Variants in PRKAG3 observed in about 807,000 individuals in gnomAD.
The protein encoded by PRKAG3 is protein kinase AMP-activated non-catalytic subunit gamma 3, also known as 5'-AMP-activated protein kinase subunit gamma-3.
Under a neutral mutation model 56.5 loss-of-function variants are expected in PRKAG3, and 39 were observed. The observed-to-expected ratio is 0.69, with a 90% CI of 0.53 to 0.90. The LOEUF (loss-of-function observed/expected upper bound fraction) is 0.90, where lower values mean the gene tolerates loss of function less well. Ranked by LOEUF, PRKAG3 falls within the 40% of genes least tolerant of loss-of-function variation. The probability of loss-of-function intolerance (pLI) is 0.00; values close to 1 mark genes in which losing one functional copy is unlikely to be tolerated. For synonymous variants in PRKAG3, 243 were observed against 250.1 expected (o/e 0.97, Z 0.27); for missense variants, 628 against 627.5 (o/e 1.00, Z -0.01).
At chr2:218,823,596 G>A (rs1288230787) in exon 13 of PRKAG3, 8 of 1,455,702 alleles carry the variant, frequency 5.5e-6, no homozygotes, top group Non-Finnish European at 7.5e-6. Flanking sequence ...TGAGATCCAG[G>A]AAATCAGGAA....
At chr2:218,828,412 G>T in intron 5 of PRKAG3, 107 bp downstream of exon 5, 2 of 1,235,360 alleles carry the variant, frequency 1.6e-6, no homozygotes. Flanking sequence ...GGCTGGGCTT[G>T]GCCTGAAGCC....
chr2:218,825,398 T>C (rs1445870105), intron 10 of PRKAG3, among the ~76,000 whole-genome samples: 2 of 151,002 alleles, frequency 1.3e-5, no homozygotes, highest in African/African-American at 4.9e-5. Flanking sequence ...ATCCCAACAC[T>C]TTGGGAGGCC....
In PRKAG3 at chr2:218,827,531, A is replaced by T. The variant is rs1267828196; in HGVS notation, c.875+44T>A. 1 of 1,605,038 alleles carries T rather than the reference A, an allele frequency of 6.2e-7. No homozygotes were observed. The highest frequency in any genetic ancestry group is 2.2e-5 in the East Asian group (1 of 44,818). ...GAGCTGAGTGGGACTGGGGAAGGGG[A>T]CTGTGGGAGGAGGAGGCTCAGGTGA... On this transcript the variant is annotated intron_variant, in intron 8 of 12. Transcript: ENST00000529249. This position sits in a 1 kb window ranked among gnomAD's most constrained non-coding sequence, Gnocchi z 5.3.
exon 1 of PRKAG3, chr2:218,831,749 C>G: frequency 6.2e-7 from 1 of 1,610,880 alleles, no homozygotes; most frequent in Non-Finnish European, 8.5e-7. Context: ...CTGCGCAGTG[C>G]GTGCTCCAGC....
Position 218,827,062 on chromosome 2 carries a change from T to C in PRKAG3, c.1034A>G (p.Tyr345Cys). The change falls in exon 10 of 13, where the codon TAC (tyrosine) becomes TGC (cysteine). Residue 345 changes from tyrosine (Y) to cysteine (C), a missense_variant. Transcript: ENST00000529249. The surrounding 1 kb of genome is among the most constrained non-coding windows in gnomAD (Gnocchi z 5.3). ...GATGCCCAAATCTTGGATAGTGCGGTAGAGGAAGGAGGGCCGGGGCAGCAG... is the reference window on the plus strand; with the variant it reads ...GATGCCCAAATCTTGGATAGTGCGGCAGAGGAAGGAGGGCCGGGGCAGCAG... The C allele has an allele frequency of 6.2e-7, 1 of 1,613,594 alleles. No homozygotes were observed. The highest frequency in any genetic ancestry group is 8.5e-7 in the Non-Finnish European group (1 of 1,180,012).
exon 1 of PRKAG3, chr2:218,831,744 C>T: frequency 6.2e-7 from 1 of 1,611,140 alleles, no homozygotes; most frequent in South Asian, 1.1e-5. Context: ...ATACCCTGCG[C>T]AGTGCGTGCT....
At chr2:218,825,650 A>G (rs114962604) in intron 10 of PRKAG3, among the ~76,000 whole-genome samples, 5,217 of 152,116 alleles carry the variant, frequency 0.034, 307 homozygotes, top group African/African-American at 0.12. Context: ...TCCATCCCAA[A>G]ACAACACCCA....
intron 4 of PRKAG3, among the ~76,000 whole-genome samples, chr2:218,829,306 C>T (rs1166566093): frequency 1.3e-5 from 2 of 150,860 alleles, no homozygotes; most frequent in Non-Finnish European, 2.9e-5. Context: ...ACTCTTTTTT[C>T]TAAGTCACTC....
intron 1 of PRKAG3, 28 bp downstream of exon 1, chr2:218,831,710 G>C: frequency 6.2e-7 from 1 of 1,605,918 alleles, no homozygotes; most frequent in South Asian, 1.1e-5. Context: ...CAGCTGCCCC[G>C]GCTCCGGCTC....
chr2:218,823,852 C>G, exon 13 of PRKAG3: 1 of 1,614,090 alleles, frequency 6.2e-7, no homozygotes, highest in Non-Finnish European at 8.5e-7. Context: ...GATGCTGGGT[C>G]TCGTCCACTA....
At chr2:218,825,743 G>A (rs372271861) in intron 10 of PRKAG3, among the ~76,000 whole-genome samples, 3 of 148,862 alleles carry the variant, frequency 2.0e-5, no homozygotes, top group Non-Finnish European at 4.5e-5. Context: ...TCATGGTTTT[G>A]TTTGGTGGTA....
chr2:218,825,538 C>T (rs929084621), intron 10 of PRKAG3, among the ~76,000 whole-genome samples: 3 of 151,468 alleles, frequency 2.0e-5, no homozygotes, highest in African/African-American at 7.3e-5. Flanking sequence ...ATCCCAGCTA[C>T]TCAGGAGGCT....
chr2:218,830,846 G>A (rs1309287569), exon 3 of PRKAG3: 1 of 1,613,812 alleles, frequency 6.2e-7, no homozygotes, highest in Non-Finnish European at 8.5e-7. Context: ...CTGAGCTGCT[G>A]GTCACAGCTG....
chr2:218,829,548 G>A (rs1237920694), intron 4 of PRKAG3, among the ~76,000 whole-genome samples: 2 of 151,540 alleles, frequency 1.3e-5, no homozygotes, highest in East Asian at 1.9e-4. Flanking sequence ...GGCCGGTCTC[G>A]AACTCCTGAC....
At chr2:218,826,961 G>T (rs763811657) in exon 10 of PRKAG3, 3 of 1,614,042 alleles carry the variant, frequency 1.9e-6, no homozygotes, top group Admixed American at 3.3e-5. Flanking sequence ...GCAGACACAC[G>T]CCGGTCCACA....
At position 218,829,963 on chromosome 2, in the gene PRKAG3, G is replaced by C. The variant is rs375820516; in HGVS notation, c.633+15C>G. 27 of 1,610,712 alleles carry C rather than the reference G, an allele frequency of 1.7e-5. No individual in the cohort carries two copies. The African/African-American group carries it at 3.1e-4, about 18-fold the overall frequency. On this transcript the variant is annotated intron_variant, in intron 4 of 12. Coordinates refer to ENST00000529249, the Ensembl canonical transcript of PRKAG3. ...ATGGAGAGTGAGTACAGGTTGGGCA[G>C]AGCCGTGGCCTCACCTCCAGCATGG...
Position 218,831,327 on chromosome 2 carries a change from T to C in PRKAG3, c.73+9A>G. 6.3e-7 allele frequency: 1 copy of C among 1,584,678 alleles called. No individual in the cohort carries two copies. The highest frequency in any genetic ancestry group is 8.6e-7 in the Non-Finnish European group (1 of 1,163,660). On this transcript the variant is annotated intron_variant, in intron 2 of 12. Coordinates refer to ENST00000529249, the Ensembl canonical transcript of PRKAG3. ...AGGTTAGGCCCCAGGGAGGGGGCAT[T>C]CTCCCTACCTTGATGCTCAGAACCC...
chr2:218,827,680 T>C lies in PRKAG3; in HGVS notation c.821-51A>G, dbSNP rs1266341646. 6.3e-7 allele frequency: 1 copy of C among 1,598,016 alleles called. No individual in the cohort carries two copies. The highest frequency in any genetic ancestry group is 1.1e-5 in the South Asian group (1 of 90,704). ...AGGGGAGCCGGTCACCTGCCTCACC[T>C]TGCAGTCCCAGGCAGCTTCCCTTCC... is the stretch of plus-strand genomic sequence containing the variant. On this transcript the variant is annotated intron_variant, in intron 7 of 12. Coordinates refer to ENST00000529249, the Ensembl canonical transcript of PRKAG3. This position sits in a 1 kb window ranked among gnomAD's most constrained non-coding sequence, Gnocchi z 5.3.
intron 10 of PRKAG3, among the ~76,000 whole-genome samples, chr2:218,825,335 CA>C (rs3078328): frequency 0.074 from 5,278 of 71,080 alleles, 202 homozygotes; most frequent in African/African-American, 0.16. Flanking sequence ...GACTCTGTCT[CA>C]AAAAAAAAAA....
Sources: gnomAD v4.1 joint callset for allele counts (sites outside exome capture counted in the v4.1 genomes callset) on GRCh38, gnomAD v4.1.1 for gene constraint, Gnocchi (gnomAD v3.1) non-coding constraint, MANE v1.5 for transcripts, NCBI Gene and HGNC (gene_info 2026-07-23, HGNC 2026-07-21) for gene names.